AOAH: variants seen among roughly 807,000 people sequenced by gnomAD.
The protein encoded by AOAH is acyloxyacyl hydrolase (neutrophil).
A neutral mutation model predicts 92.2 loss-of-function variants in AOAH; 64 were observed. The observed-to-expected ratio is 0.69, with a 90% confidence interval of 0.57 to 0.86. The LOEUF is 0.86. AOAH is among the 40% of genes least tolerant of loss of function. AOAH has a pLI of 0.00. For synonymous variants in AOAH, 263 were observed against 254.5 expected (o/e 1.03, Z -0.32); for missense variants, 656 against 694.6 (o/e 0.94, Z 0.62).
chr7:36,688,512 A>G (rs10253138), intron 1 of AOAH, among the ~76,000 whole-genome samples: 1,815 of 150,500 alleles, frequency 0.012, 42 homozygotes, highest in African/African-American at 0.043. Context: ...ACAACTAAAA[A>G]ATAATGATAA....
At chr7:36,610,485 T>C (rs2115858972) in intron 11 of AOAH, among the ~76,000 whole-genome samples, 1 of 142,704 alleles carries the variant, frequency 7.0e-6, no homozygotes, top group East Asian at 2.0e-4. Flanking sequence ...AGCTCTATCA[T>C]TGGCTTTATA....
At chr7:36,544,198 G>C (rs1444907494) in intron 15 of AOAH, among the ~76,000 whole-genome samples, 1 of 151,950 alleles carries the variant, frequency 6.6e-6, no homozygotes, top group Non-Finnish European at 1.5e-5. Flanking sequence ...GCCTGCCTCA[G>C]CCTCCCAAAA....
chr7:36,573,166 T>C (rs1232951162), intron 13 of AOAH, among the ~76,000 whole-genome samples: 1 of 152,220 alleles, frequency 6.6e-6, no homozygotes, highest in African/African-American at 2.4e-5. Flanking sequence ...CTCTGCTCTC[T>C]GTTTTCAGGG....
Position 36,548,631 on chromosome 7 carries a change from C to T in AOAH, c.1114G>A (p.Gly372Arg), listed in dbSNP as rs1218988618. ...YPAIVIYAMIGNDVCSGKSDP... is the reference protein window; with the variant it reads ...YPAIVIYAMIRNDVCSGKSDP... The stretch of plus-strand genomic sequence containing the variant: ...ACTCACCCACTGCAGACATCATTTC[C>T]AATCATGGCATATATAACGATGGCG... The change falls in exon 15 of 21, where the codon GGA becomes AGA. Residue 372 changes from glycine (G) to arginine (R), a missense_variant. Coordinates refer to ENST00000617537, the MANE Select transcript of AOAH (RefSeq NM_001637.4). 5 of 1,613,554 alleles carry T rather than the reference C, an allele frequency of 3.1e-6. No homozygotes were observed. The highest frequency in any genetic ancestry group is 3.4e-6 in the Non-Finnish European group (4 of 1,179,736).
intron 13 of AOAH, among the ~76,000 whole-genome samples, chr7:36,558,232 G>T (rs545099135): frequency 6.6e-6 from 1 of 152,274 alleles, no homozygotes; most frequent in South Asian, 2.1e-4. Context: ...AGGTCTGTTG[G>T]AGTTTGCTAG....
In AOAH at chr7:36,614,322, G is replaced by A. The variant is rs143678977; in HGVS notation, c.846+2058C>T. Among the ~76,000 whole-genome samples, 620 of 152,250 alleles carry A rather than the reference G, an allele frequency of 4.1e-3. 3 individuals are homozygous for A. Among genetic ancestry groups the A allele is most frequent in the African/African-American group, 0.014 (596 of 41,508 alleles). Reference sequence around the variant, plus strand: ...ATTCCCTGTGCAGTGCATCAGACCCGGGCAGGGCTTTATGTGTGTGCAACC... The same window carrying A: ...ATTCCCTGTGCAGTGCATCAGACCCAGGCAGGGCTTTATGTGTGTGCAACC... On this transcript the variant is annotated intron_variant, in intron 11 of 20. Transcript: ENST00000617537. The surrounding 1 kb of genome is among the most constrained non-coding windows in gnomAD (Gnocchi z 4.2).
At chr7:36,678,821 A>G (rs1796467097) in intron 2 of AOAH, among the ~76,000 whole-genome samples, 1 of 152,164 alleles carries the variant, frequency 6.6e-6, no homozygotes, top group Non-Finnish European at 1.5e-5. Context: ...AATATGCAAA[A>G]TCTCCAGAAA....
intron 11 of AOAH, among the ~76,000 whole-genome samples, chr7:36,607,121 G>A (rs561398750): frequency 1.3e-5 from 2 of 152,320 alleles, no homozygotes; most frequent in South Asian, 4.1e-4. Flanking sequence ...GAGGAGAGGG[G>A]CTGCTGCAGG....
intron 2 of AOAH, among the ~76,000 whole-genome samples, chr7:36,674,538 A>T (rs1796120069): frequency 6.6e-6 from 1 of 152,200 alleles, no homozygotes; most frequent in Non-Finnish European, 1.5e-5. Context: ...ACATAGATAC[A>T]CTCCACACAA....
intron 1 of AOAH, among the ~76,000 whole-genome samples, chr7:36,720,422 C>T (rs926702539): frequency 6.6e-6 from 1 of 152,066 alleles, no homozygotes; most frequent in Non-Finnish European, 1.5e-5. Flanking sequence ...CTGCCCACCT[C>T]AGCATCCCAA....
At chr7:36,607,249 A>C (rs996697668) in intron 11 of AOAH, among the ~76,000 whole-genome samples, 7 of 152,232 alleles carry the variant, frequency 4.6e-5, no homozygotes, top group Admixed American at 1.3e-4. Context: ...AACTAGCCTC[A>C]TAGAAGGCAG....
In AOAH at chr7:36,686,792, A is replaced by G; in HGVS notation, c.130T>C (p.Cys44Arg). Residue 44 changes from cysteine to arginine, a missense_variant and splice_region_variant, in exon 2 of 21, where the codon TGT becomes CGT. Physicochemically the swap from Cys to Arg is radical, Grantham distance 180 (BLOSUM62 -3). Transcript: ENST00000617537. ...SLSNGHTCVG[C>R]VLVVSVIEQL... The stretch of plus-strand genomic sequence containing the variant: ...TCTATTACAGACACCACCAGCACAC[A>G]CCCTGCCAGGGAGGAGAAGAACATG... 6.5e-7 allele frequency: 1 copy of G among 1,548,366 alleles called. No individual in the cohort carries two copies. Among genetic ancestry groups the G allele is most frequent in the Non-Finnish European group, 8.7e-7 (1 of 1,146,486 alleles).
intron 6 of AOAH, among the ~76,000 whole-genome samples, chr7:36,628,328 TACAG>T (rs1207060922): frequency 1.3e-5 from 2 of 152,148 alleles, no homozygotes; most frequent in South Asian, 2.1e-4. Context: ...TGAAGTAAAA[TACAG>T]ACAGTGTGTA....
At chr7:36,700,714 T>A (rs1041694397) in intron 1 of AOAH, among the ~76,000 whole-genome samples, 1 of 152,112 alleles carries the variant, frequency 6.6e-6, no homozygotes, top group African/African-American at 2.4e-5. Flanking sequence ...GTGGGATTGA[T>A]GGTTTGAAAA....
rs145758055 is a variant in AOAH at position 36,642,808 on chromosome 7, T to A, written c.391-4898A>T. ...ACATCCGTCTTCAATAGAAACTCTT[T>A]AAATATTGGTCTCTATTGCTATTTC... is the stretch of plus-strand genomic sequence containing the variant. On this transcript the variant is annotated intron_variant, in intron 4 of 20. Coordinates refer to ENST00000617537, the MANE Select transcript of AOAH (RefSeq NM_001637.4). Among the ~76,000 whole-genome samples, 110 of 152,348 alleles carry A rather than the reference T, an allele frequency of 7.2e-4. 1 individual carries two copies. Among genetic ancestry groups the A allele is most frequent in the South Asian group, 4.1e-3 (20 of 4,822 alleles).
chr7:36,639,509 A>T (rs1268883876), intron 4 of AOAH, among the ~76,000 whole-genome samples: 2 of 152,196 alleles, frequency 1.3e-5, no homozygotes, highest in African/African-American at 2.4e-5. Flanking sequence ...AGCAAAAGAA[A>T]ATAGTTACGA....
At chr7:36,535,014 G>C (rs1458864162) in intron 16 of AOAH, among the ~76,000 whole-genome samples, 1 of 24,080 alleles carries the variant, frequency 4.2e-5, no homozygotes, top group African/African-American at 9.6e-5. Context: ...GTATCTGTGT[G>C]TGTCTGTGTC....
chr7:36,548,911 A>G (rs920273184), intron 14 of AOAH, among the ~76,000 whole-genome samples: 4 of 152,332 alleles, frequency 2.6e-5, no homozygotes, highest in Non-Finnish European at 4.4e-5. Flanking sequence ...ACATAAATGC[A>G]TAAAATTGAA....
At chr7:36,658,915 T>C (rs901916123) in intron 4 of AOAH, among the ~76,000 whole-genome samples, 2 of 152,176 alleles carry the variant, frequency 1.3e-5, no homozygotes, top group Non-Finnish European at 2.9e-5. Context: ...TCAGATTTCC[T>C]ACCTACTGGC....
Sources: allele counts gnomAD v4.1 joint callset (sites outside exome capture counted in the v4.1 genomes callset), GRCh38; gene constraint gnomAD v4.1.1; non-coding constraint Gnocchi (gnomAD v3.1); transcripts MANE v1.5; gene names NCBI Gene and HGNC (gene_info 2026-07-23, HGNC 2026-07-21).